The following CFAP95 variants were observed in gnomAD, a reference collection of about 807,000 sequenced individuals.
CFAP95 encodes cilia- and flagella-associated protein 95.
the CFAP95 span, among the ~76,000 whole-genome samples, chr9:69,841,192 A>ATATATATG: frequency 8.0e-6 from 1 of 124,440 alleles, no homozygotes; most frequent in African/African-American, 2.9e-5. Flanking sequence ...ATATATATAT[A>ATATATATG]TATATTTCTG....
At chr9:69,906,127 G>A in the CFAP95 span, 5 of 1,594,902 alleles carry the variant, frequency 3.1e-6, no homozygotes, top group Admixed American at 9.1e-5. Flanking sequence ...GGCCTATTGT[G>A]CCAATTTAAA....
chr9:69,844,540 C>T, the CFAP95 span: 1 of 1,598,062 alleles, frequency 6.3e-7, no homozygotes, highest in Non-Finnish European at 8.5e-7. Flanking sequence ...GAAGCTTTTC[C>T]CAAAGGTTAT....
chr9:69,851,203 A>G, the CFAP95 span, among the ~76,000 whole-genome samples: 3 of 152,170 alleles, frequency 2.0e-5, no homozygotes, highest in African/African-American at 4.8e-5. Context: ...GTGCATGTAT[A>G]TACACACACA....
chr9:69,883,399 G>A, the CFAP95 span, among the ~76,000 whole-genome samples: 1 of 152,134 alleles, frequency 6.6e-6, no homozygotes, highest in African/African-American at 2.4e-5. Flanking sequence ...TGGTTGGGGA[G>A]GGGTTTATCT....
At chr9:69,844,554 A>G in the CFAP95 span, 3 of 1,612,724 alleles carry the variant, frequency 1.9e-6, no homozygotes, top group Non-Finnish European at 2.5e-6. Context: ...AGGTTATGAT[A>G]TAGAGGGTCC....
the CFAP95 span, among the ~76,000 whole-genome samples, chr9:69,881,915 G>A: frequency 6.7e-6 from 1 of 150,374 alleles, no homozygotes; most frequent in Admixed American, 6.6e-5. Context: ...AATTTTATTT[G>A]TGGCTATCGT....
chr9:69,829,801 G>A, the CFAP95 span, among the ~76,000 whole-genome samples: 3 of 152,176 alleles, frequency 2.0e-5, no homozygotes, highest in Non-Finnish European at 2.9e-5. Context: ...CCAGACTTGG[G>A]GCTCAGGGTG....
At chr9:69,862,648 G>A in the CFAP95 span, among the ~76,000 whole-genome samples, 2 of 152,312 alleles carry the variant, frequency 1.3e-5, no homozygotes, top group South Asian at 4.1e-4. Context: ...ATCATAAGGT[G>A]AATTTAAGGT....
chr9:69,900,871 A>AT, the CFAP95 span, among the ~76,000 whole-genome samples: 149 of 149,600 alleles, frequency 1.0e-3, no homozygotes, highest in African/African-American at 1.2e-3. Context: ...GCTGCTATGT[A>AT]TTTTTTTTTT....
the CFAP95 span, among the ~76,000 whole-genome samples, chr9:69,871,926 T>C: frequency 6.6e-6 from 1 of 152,208 alleles, no homozygotes; most frequent in South Asian, 2.1e-4. Context: ...CATTACAGTA[T>C]AGTTTTCTCT....
chr9:69,842,726 C>G, the CFAP95 span, among the ~76,000 whole-genome samples: 1 of 152,188 alleles, frequency 6.6e-6, no homozygotes, highest in Non-Finnish European at 1.5e-5. Context: ...TCCAATATCC[C>G]CCCTGAGGAC....
At chr9:69,868,640 AGAGT>A in the CFAP95 span, among the ~76,000 whole-genome samples, 15 of 147,536 alleles carry the variant, frequency 1.0e-4, no homozygotes, top group Admixed American at 2.1e-4. Flanking sequence ...CCTGAGTGAC[AGAGT>A]GAGTGAGACT....
chr9:69,886,221 G>T, the CFAP95 span, among the ~76,000 whole-genome samples: 1 of 152,100 alleles, frequency 6.6e-6, no homozygotes, highest in Non-Finnish European at 1.5e-5. Flanking sequence ...CTTGATGATG[G>T]CTCTAGAGTG....
the CFAP95 span, chr9:69,858,144 C>T: frequency 1.7e-6 from 1 of 586,202 alleles, no homozygotes; most frequent in Non-Finnish European, 3.0e-6. Flanking sequence ...ACATGCACAA[C>T]ATTAATAACC....
chr9:69,872,251 T>A, the CFAP95 span, among the ~76,000 whole-genome samples: 1 of 152,348 alleles, frequency 6.6e-6, no homozygotes, highest in South Asian at 2.1e-4. Flanking sequence ...GTGCTCTATA[T>A]CTTTCAGAGT....
At chr9:69,841,197 TTTCTG>T in the CFAP95 span, among the ~76,000 whole-genome samples, 8 of 131,470 alleles carry the variant, frequency 6.1e-5, no homozygotes, top group South Asian at 2.4e-4. Context: ...TATATATATA[TTTCTG>T]ATTTAAAAGT....
At chr9:69,888,903 C>A in the CFAP95 span, among the ~76,000 whole-genome samples, 1 of 151,540 alleles carries the variant, frequency 6.6e-6, no homozygotes, top group Non-Finnish European at 1.5e-5. Context: ...AAAAATTTGA[C>A]CTAATAATTC....
the CFAP95 span, among the ~76,000 whole-genome samples, chr9:69,902,029 A>T: frequency 4.6e-5 from 7 of 152,100 alleles, no homozygotes; most frequent in East Asian, 1.2e-3. Flanking sequence ...ATGGGAAAAA[A>T]TTTTTGCAAT....
chr9:69,905,037 G>A, the CFAP95 span, among the ~76,000 whole-genome samples: 3 of 152,058 alleles, frequency 2.0e-5, no homozygotes, highest in African/African-American at 7.2e-5. Context: ...TAAAGTGGGT[G>A]TAATAATTCA....
Sources: allele counts gnomAD v4.1 joint callset (sites outside exome capture counted in the v4.1 genomes callset), GRCh38; gene constraint gnomAD v4.1.1; transcripts MANE v1.5; gene names NCBI Gene and HGNC (gene_info 2026-07-23, HGNC 2026-07-21).